REXO5: variants seen among roughly 807,000 people sequenced by gnomAD.
REXO5 encodes RNA exonuclease 5.
Under a neutral mutation model 88.5 loss-of-function variants are expected in REXO5, and 48 were observed. The observed-to-expected ratio is 0.54, with a 90% CI of 0.43 to 0.69. The LOEUF (loss-of-function observed/expected upper bound fraction) is 0.69, where lower values mean the gene tolerates loss of function less well. Among genes scored for constraint, REXO5 ranks in the 30% least tolerant of loss-of-function variants. REXO5 has a pLI of 0.00. For synonymous variants in REXO5, 311 were observed against 336.5 expected (o/e 0.92, Z 0.83); for missense variants, 749 against 912.2 (o/e 0.82, Z 2.30).
chr16:20,839,105 TGTG>T lies in REXO5; in HGVS notation c.1384-646_1384-644del, dbSNP rs2081484479. Among the ~76,000 whole-genome samples the T allele has an allele frequency of 2.6e-5, 4 of 152,220 alleles. No individual in the cohort carries two copies. The East Asian group carries it at 7.7e-4, about 29-fold the overall frequency. ...TAGTTCTCCATTTCCAGAATGATGG[TGTG>T]GTGTTGAGGGAAGGGAGGAATTTAT... On this transcript the variant is annotated intron_variant, in intron 13 of 19. Transcript: ENST00000261377.
At chr16:20,822,534 C>T (rs1382768142) in intron 6 of REXO5, among the ~76,000 whole-genome samples, 1 of 152,184 alleles carries the variant, frequency 6.6e-6, no homozygotes, top group Non-Finnish European at 1.5e-5. Flanking sequence ...AATTTTAGAA[C>T]ACTTCTATCA....
chr16:20,810,231 T>A (rs1189879150), intron 2 of REXO5, among the ~76,000 whole-genome samples: 1 of 152,202 alleles, frequency 6.6e-6, no homozygotes, highest in African/African-American at 2.4e-5. Context: ...TAAAATAAGA[T>A]TACGTCCCAA....
At chr16:20,810,331 T>C (rs1025955798) in intron 2 of REXO5, among the ~76,000 whole-genome samples, 1 of 152,260 alleles carries the variant, frequency 6.6e-6, no homozygotes, top group African/African-American at 2.4e-5. Context: ...ATTTTACTTA[T>C]GTGAATTCAC....
chr16:20,808,285 A>G (rs568406277), intron 2 of REXO5, among the ~76,000 whole-genome samples: 1 of 152,294 alleles, frequency 6.6e-6, no homozygotes, highest in East Asian at 1.9e-4. Flanking sequence ...TTTACTGAGA[A>G]CTAAATATAC....
intron 15 of REXO5, among the ~76,000 whole-genome samples, 178 bp from the exon 16 acceptor site, chr16:20,843,755 CT>C (rs2081564648): frequency 6.6e-6 from 1 of 152,214 alleles, no homozygotes; most frequent in Non-Finnish European, 1.5e-5. Flanking sequence ...AAGCTAGTTT[CT>C]GAACTTTGAT....
chr16:20,848,767 T>C (rs1275420394), intron 19 of REXO5, among the ~76,000 whole-genome samples: 1 of 152,252 alleles, frequency 6.6e-6, no homozygotes, highest in Admixed American at 6.5e-5. Flanking sequence ...CACCAGGTTT[T>C]TTACAACAAA....
At chr16:20,808,549 C>T (rs1046334613) in intron 2 of REXO5, among the ~76,000 whole-genome samples, 5 of 151,006 alleles carry the variant, frequency 3.3e-5, no homozygotes, top group African/African-American at 9.8e-5. Context: ...GTCTTATATT[C>T]TAGTGGGCAG....
chr16:20,846,375 T>TA, intron 19 of REXO5, 36 bp downstream of exon 19: 1 of 1,496,984 alleles, frequency 6.7e-7, no homozygotes, highest in Non-Finnish European at 9.3e-7. Context: ...CAGGACTCTG[T>TA]CCCCTGGATT....
chr16:20,845,307 T>C, intron 18 of REXO5, 66 bp downstream of exon 18: 1 of 1,416,420 alleles, frequency 7.1e-7, no homozygotes, highest in Non-Finnish European at 9.5e-7. Context: ...CTTAATCCTT[T>C]AATCTTTTTT....
chr16:20,815,741 C>G (rs971539925), intron 4 of REXO5, among the ~76,000 whole-genome samples: 4 of 152,294 alleles, frequency 2.6e-5, no homozygotes, highest in African/African-American at 9.6e-5. Context: ...AATTTAAGCC[C>G]AGGTGAACCT....
At chr16:20,832,862 A>C in intron 12 of REXO5, 141 bp from the exon 13 acceptor site, 1 of 717,324 alleles carries the variant, frequency 1.4e-6, no homozygotes, top group South Asian at 2.9e-5. Flanking sequence ...TGAGGAACTG[A>C]ATTTTTAATT....
At chr16:20,807,419 A>C in intron 2 of REXO5, 1 of 291,656 alleles carries the variant, frequency 3.4e-6, no homozygotes, top group South Asian at 3.8e-5. Flanking sequence ...CTCTACCAAA[A>C]ACACACACAC....
At chr16:20,840,766 A>T (rs1034646000) in intron 15 of REXO5, among the ~76,000 whole-genome samples, 1 of 152,092 alleles carries the variant, frequency 6.6e-6, no homozygotes, top group African/African-American at 2.4e-5. Flanking sequence ...CCAGGAGTTC[A>T]AGACCAGCCT....
chr16:20,814,206 G>C (rs1318272407), intron 3 of REXO5, among the ~76,000 whole-genome samples: 4 of 151,474 alleles, frequency 2.6e-5, no homozygotes, highest in Non-Finnish European at 5.9e-5. Context: ...TAGTTCAATA[G>C]TCTTATTTAC....
At chr16:20,808,604 G>A (rs999176337) in intron 2 of REXO5, among the ~76,000 whole-genome samples, 24 of 149,812 alleles carry the variant, frequency 1.6e-4, no homozygotes, top group Non-Finnish European at 3.5e-4. Context: ...AGAGGGATTA[G>A]GGATGTGATT....
intron 2 of REXO5, 37 bp from the exon 3 acceptor site, chr16:20,813,153 C>T (rs111542868): frequency 2.2e-6 from 3 of 1,349,436 alleles, no homozygotes; most frequent in Non-Finnish European, 2.1e-6. Context: ...TCTTGATAAC[C>T]AATAATGGCT....
At chr16:20,843,528 A>T (rs1178683689) in intron 15 of REXO5, among the ~76,000 whole-genome samples, 1 of 152,234 alleles carries the variant, frequency 6.6e-6, no homozygotes, top group Non-Finnish European at 1.5e-5. Flanking sequence ...ACAAAGATTT[A>T]GTTACTCCGA....
At position 20,846,202 on chromosome 16, in the gene REXO5, C is replaced by T. The variant is rs752191141; in HGVS notation, c.2125-19C>T. 2 of 1,595,524 alleles carry T rather than the reference C, an allele frequency of 1.3e-6. No individual in the cohort carries two copies. Among genetic ancestry groups the T allele is most frequent in the South Asian group, 1.1e-5 (1 of 90,708 alleles). ...AGAGAGTGTTCTGGCTGAGTATCGA[C>T]ACATGGCTTTGATCCCAGACTCTGA... On this transcript the variant is annotated intron_variant, in intron 18 of 19. Coordinates refer to ENST00000261377, the MANE Select transcript of REXO5 (RefSeq NM_030941.3).
chr16:20,818,187 T>C (rs1006877501), intron 5 of REXO5, among the ~76,000 whole-genome samples: 1 of 152,194 alleles, frequency 6.6e-6, no homozygotes, highest in African/African-American at 2.4e-5. Context: ...TCCTATACTT[T>C]TCTCCTCCTT....
Sources: allele counts gnomAD v4.1 joint callset (sites outside exome capture counted in the v4.1 genomes callset), GRCh38; gene constraint gnomAD v4.1.1; transcripts MANE v1.5; gene names NCBI Gene and HGNC (gene_info 2026-07-23, HGNC 2026-07-21).